IRAK1BP1: variants seen among roughly 807,000 people sequenced by gnomAD.
The protein encoded by IRAK1BP1 is interleukin-1 receptor-associated kinase 1-binding protein 1.
A neutral mutation model predicts 28.0 loss-of-function variants in IRAK1BP1; 24 were observed. That is an observed-to-expected ratio of 0.86 (90% CI 0.62 to 1.20). The LOEUF is 1.20. Among genes scored for constraint, IRAK1BP1 ranks in the 50% most tolerant of loss-of-function variants. IRAK1BP1 has a pLI of 0.00. For missense variants in IRAK1BP1, 336 were observed against 316.7 expected (o/e 1.06, Z -0.46); for synonymous variants, 131 against 116.3 (o/e 1.13, Z -0.81).
intron 4 of IRAK1BP1, among the ~76,000 whole-genome samples, chr6:78,915,485 T>G (rs918222961): frequency 1.3e-5 from 2 of 152,206 alleles, no homozygotes; most frequent in African/African-American, 4.8e-5. Flanking sequence ...CACTCTGAAT[T>G]TCACTGCTGT....
intron 4 of IRAK1BP1, among the ~76,000 whole-genome samples, chr6:78,942,888 A>C (rs1773575514): frequency 2.0e-5 from 3 of 152,214 alleles, no homozygotes; most frequent in Non-Finnish European, 4.4e-5. Flanking sequence ...AGCAATATAT[A>C]ATGTAAAAAG....
intron 4 of IRAK1BP1, among the ~76,000 whole-genome samples, chr6:78,915,785 T>C (rs936435893): frequency 3.3e-5 from 5 of 152,236 alleles, no homozygotes; most frequent in Admixed American, 2.6e-4. Flanking sequence ...TTGTAGGCAT[T>C]TCTTTTATTA....
At chr6:78,904,602 C>T (rs975046668), downstream of IRAK1BP1, among the ~76,000 whole-genome samples, 40 of 152,070 alleles carry the variant, frequency 2.6e-4, no homozygotes, top group African/African-American at 9.7e-4. Context: ...ATAGCTCATA[C>T]AAAAGAGTAA....
At chr6:78,955,661 T>G in the IRAK1BP1 span, 1 of 1,089,824 alleles carries the variant, frequency 9.2e-7, no homozygotes, top group African/African-American at 1.6e-5. Flanking sequence ...AAAGTGGAAT[T>G]ATGTTATAAC....
chr6:78,893,312 G>GTATATATATATA (rs1188973498), intron 2 of IRAK1BP1, among the ~76,000 whole-genome samples: 11 of 64,202 alleles, frequency 1.7e-4, no homozygotes, highest in East Asian at 1.5e-3. Flanking sequence ...GTGTGTGTGT[G>GTATATATATATA]TGTATATATA....
rs1463838189 is a variant in IRAK1BP1 at position 78,901,683 on chromosome 6, A to G, written c.*3349A>G. On this transcript the variant is annotated 3_prime_UTR_variant, in exon 4 of 4. Transcript: ENST00000369940. ...AAATGCTATTAAAATAAGATTTCATATATTACTGATAATTCATAATGAATT... is the reference window on the plus strand; with the variant it reads ...AAATGCTATTAAAATAAGATTTCATGTATTACTGATAATTCATAATGAATT... 1.3e-5 allele frequency: 2 copies of G among 152,210 alleles called. No individual in the cohort carries two copies. The highest frequency in any genetic ancestry group is 1.5e-5 in the Non-Finnish European group (1 of 68,010). The allele number at this position is 152,210 out of a possible 1,614,324, so 9.4% of individuals were successfully genotyped here.
intron 4 of IRAK1BP1, among the ~76,000 whole-genome samples, chr6:78,910,236 T>A (rs1039680743): frequency 6.6e-6 from 1 of 151,944 alleles, no homozygotes; most frequent in Non-Finnish European, 1.5e-5. Context: ...CAGGATGGCC[T>A]AGGGAGGACG....
rs190287294 is a variant in IRAK1BP1 at position 78,883,773 on chromosome 6, A to G, written c.316-1605A>G. 3.1e-3 allele frequency among the ~76,000 whole-genome samples: 476 copies of G among 152,318 alleles called. 3 individuals are homozygous for G. The highest frequency in any genetic ancestry group is 0.011 in the African/African-American group (442 of 41,574). On this transcript the variant is annotated intron_variant, in intron 1 of 3. Coordinates refer to ENST00000369940, the MANE Select transcript of IRAK1BP1 (RefSeq NM_001010844.4). The stretch of plus-strand genomic sequence containing the variant: ...AAATAATCCATAAGTTTAAAATTGT[A>G]CACCATTCTGAGTAGCGTGATGAAA...
chr6:78,903,113 A>T (rs1257516404), downstream of IRAK1BP1: 3 of 1,394,442 alleles, frequency 2.2e-6, no homozygotes, highest in Non-Finnish European at 2.9e-6. Flanking sequence ...CTCTGAATGT[A>T]AGTTGGTTCA....
intron 4 of IRAK1BP1, among the ~76,000 whole-genome samples, chr6:78,942,585 C>A (rs921083232): frequency 2.6e-5 from 4 of 152,134 alleles, no homozygotes; most frequent in Non-Finnish European, 5.9e-5. Context: ...TCCTGACCCC[C>A]ATAGTGAAAT....
chr6:78,966,763 A>AAGGAACTG, the IRAK1BP1 span, among the ~76,000 whole-genome samples: 1 of 152,188 alleles, frequency 6.6e-6, no homozygotes, highest in African/African-American at 2.4e-5. Flanking sequence ...CTTCTGTGTC[A>AAGGAACTG]TAAGAAAACT....
At chr6:78,955,769 G>GGTTC in the IRAK1BP1 span, 1 of 526,812 alleles carries the variant, frequency 1.9e-6, no homozygotes, top group African/African-American at 2.0e-5. Context: ...CATATTTTAA[G>GGTTC]GTAAAAGTTG....
chr6:78,876,379 G>GA (rs1188211499), intron 1 of IRAK1BP1, among the ~76,000 whole-genome samples: 22 of 152,264 alleles, frequency 1.4e-4, no homozygotes, highest in African/African-American at 5.1e-4. Flanking sequence ...ATAGCAGCGT[G>GA]AAAATGGACT....
intron 4 of IRAK1BP1, among the ~76,000 whole-genome samples, chr6:78,923,957 G>A (rs1772815158): frequency 6.6e-6 from 1 of 152,066 alleles, no homozygotes; most frequent in African/African-American, 2.4e-5. Context: ...ATGCCCACAA[G>A]AGAAAGCAGG....
intron 4 of IRAK1BP1, among the ~76,000 whole-genome samples, chr6:78,925,300 C>T (rs1027777767): frequency 6.6e-6 from 1 of 151,852 alleles, no homozygotes. Context: ...TGGACATGTA[C>T]CCTAAAACTT....
Position 78,867,712 on chromosome 6 carries a change from GC to G in IRAK1BP1, c.139del (p.Gln47LysfsTer9). On this transcript the variant is annotated frameshift_variant, in exon 1 of 4. Coordinates refer to ENST00000369940, the MANE Select transcript of IRAK1BP1 (RefSeq NM_001010844.4). LOFTEE classifies it high-confidence loss of function. The part of the protein sequence containing the change: ...GLRHPLSSTQ[A>X]QTATREVQVS... The stretch of plus-strand genomic sequence containing the variant: ...ACGCCACCCCCTCTCCTCAACACAA[GC>G]CCAAACTGCTACCCGCGAGGTGCAA... 1 of 1,614,238 alleles carries G rather than the reference GC, an allele frequency of 6.2e-7. No homozygotes were observed. The highest frequency in any genetic ancestry group is 8.5e-7 in the Non-Finnish European group (1 of 1,180,036).
At chr6:78,965,604 TACTC>T in the IRAK1BP1 span, 2 of 684,644 alleles carry the variant, frequency 2.9e-6, no homozygotes, top group African/African-American at 1.8e-5. Flanking sequence ...TTCTATTTGA[TACTC>T]ACAACTGTAA....
At chr6:78,919,073 G>T (rs1772649233) in intron 4 of IRAK1BP1, among the ~76,000 whole-genome samples, 1 of 151,970 alleles carries the variant, frequency 6.6e-6, no homozygotes, top group African/African-American at 2.4e-5. Flanking sequence ...CAATTACAGG[G>T]AAATTGAACA....
intron 4 of IRAK1BP1, among the ~76,000 whole-genome samples, chr6:78,931,939 T>C (rs1434093777): frequency 1.3e-5 from 2 of 152,216 alleles, no homozygotes; most frequent in Non-Finnish European, 2.9e-5. Flanking sequence ...ACTTTCGAAA[T>C]TGGAGTCAAT....
Sources: allele counts gnomAD v4.1 joint callset (sites outside exome capture counted in the v4.1 genomes callset), GRCh38; gene constraint gnomAD v4.1.1; transcripts MANE v1.5; gene names NCBI Gene and HGNC (gene_info 2026-07-23, HGNC 2026-07-21).